The following NUCKS1 variants were observed in gnomAD, a reference collection of about 807,000 sequenced individuals.
NUCKS1 encodes the protein nuclear casein kinase and cyclin dependent kinase substrate 1, also known as nuclear ubiquitous casein and cyclin-dependent kinase substrate 1.
NUCKS1 carries 2 observed loss-of-function variants against 33.0 expected under a neutral mutation model. That is an observed-to-expected ratio of 0.06 (90% confidence interval 0.02 to 0.19). The LOEUF is 0.19. Ranked by LOEUF, NUCKS1 falls within the 10% of genes least tolerant of loss-of-function variation. The pLI, the probability that NUCKS1 is intolerant of heterozygous loss-of-function variation, is 1.00. For missense variants in NUCKS1, 201 were observed against 293.6 expected (o/e 0.68, Z 2.31); for synonymous variants, 106 against 102.8 (o/e 1.03, Z -0.19).
At position 205,717,437 on chromosome 1, in the gene NUCKS1, A is replaced by T; in HGVS notation, c.*843T>A. Reference sequence around the variant, plus strand: ...TTCTTGGTAAAATTTTATCCAAAAAACAGGATACATATATATTTAGAGAAG... The same window carrying T: ...TTCTTGGTAAAATTTTATCCAAAAATCAGGATACATATATATTTAGAGAAG... On this transcript the variant is annotated 3_prime_UTR_variant, in exon 7 of 7. Transcript: ENST00000367142. The T allele has an allele frequency of 2.0e-6, 2 of 985,344 alleles. No homozygotes were observed. The highest frequency in any genetic ancestry group is 2.4e-6 in the Non-Finnish European group (2 of 828,662). The allele number at this position is 985,344 out of a possible 1,614,324, so 61.0% of individuals were successfully genotyped here.
chr1:205,735,827 T>C (rs1654020145), intron 1 of NUCKS1, among the ~76,000 whole-genome samples: 1 of 152,238 alleles, frequency 6.6e-6, no homozygotes, highest in African/African-American at 2.4e-5. Flanking sequence ...TATTTGGATA[T>C]GATGATTAAG....
intron 4 of NUCKS1, 79 bp from the exon 5 acceptor site, chr1:205,720,732 A>G: frequency 6.6e-6 from 9 of 1,368,944 alleles, no homozygotes; most frequent in Non-Finnish European, 8.9e-6. Context: ...TTAATAATTG[A>G]CTGAAAACAT....
intron 6 of NUCKS1, 96 bp downstream of exon 6, chr1:205,719,431 C>G (rs1218831276): frequency 3.2e-6 from 4 of 1,267,616 alleles, no homozygotes; most frequent in Non-Finnish European, 4.4e-6. Context: ...AAACATCAGG[C>G]CAATGCCAAA....
chr1:205,744,636 T>TTTTTC (rs1654269013), intron 1 of NUCKS1, among the ~76,000 whole-genome samples: 1 of 136,786 alleles, frequency 7.3e-6, no homozygotes, highest in Non-Finnish European at 1.6e-5. Context: ...TAGAGTTTTT[T>TTTTTC]TTTTTTTTTT....
intron 1 of NUCKS1, among the ~76,000 whole-genome samples, chr1:205,746,439 TCTCTCTCTCTCTCTCA>T (rs1346301099): frequency 2.6e-5 from 1 of 38,718 alleles, no homozygotes; most frequent in Non-Finnish European, 7.0e-5. Context: ...AACTCACTTC[TCTCTCTCTCTCTCTCA>T]CACACACACA....
At chr1:205,732,610 GT>G (rs1558053047) in intron 1 of NUCKS1, among the ~76,000 whole-genome samples, 1 of 151,828 alleles carries the variant, frequency 6.6e-6, no homozygotes, top group East Asian at 1.9e-4. Context: ...GTGAAAACCC[GT>G]CTCTAGTAAA....
At chr1:205,730,493 CT>C (rs869264716) in intron 1 of NUCKS1, among the ~76,000 whole-genome samples, 267 of 145,154 alleles carry the variant, frequency 1.8e-3, no homozygotes, top group Middle Eastern at 3.6e-3. Context: ...TTTTCTCTCT[CT>C]TTTTTTTTTT....
intron 1 of NUCKS1, 97 bp from the exon 2 acceptor site, chr1:205,729,718 A>G (rs779115414): frequency 1.8e-5 from 17 of 931,816 alleles, no homozygotes; most frequent in Non-Finnish European, 3.0e-5. Flanking sequence ...GAACTGAACT[A>G]GCACTTTGAA....
At chr1:205,734,636 G>C (rs937917096) in intron 1 of NUCKS1, among the ~76,000 whole-genome samples, 5 of 152,216 alleles carry the variant, frequency 3.3e-5, no homozygotes, top group Non-Finnish European at 7.3e-5. Context: ...GCTCACGCCT[G>C]TAATCCCAGC....
In NUCKS1 at chr1:205,715,967, C is replaced by T. The variant is rs1243893380; in HGVS notation, c.*2313G>A. 6.6e-6 allele frequency: 1 copy of T among 152,116 alleles called. No homozygotes were observed. Among genetic ancestry groups the T allele is most frequent in the African/African-American group, 2.4e-5 (1 of 41,406 alleles). 9.4% of individuals were successfully genotyped at this position (152,116 alleles called of 1,614,324 possible). A position where few individuals can be genotyped will look rare whatever the true frequency, so the allele number is the denominator to read the frequency against. On this transcript the variant is annotated 3_prime_UTR_variant, in exon 7 of 7. Transcript: ENST00000367142. Reference sequence around the variant, plus strand: ...GGAAGACTAGAGTGTTTTAAATCATCAATAAAAAGTGGAGAAAACAAAGGT... The same window carrying T: ...GGAAGACTAGAGTGTTTTAAATCATTAATAAAAAGTGGAGAAAACAAAGGT...
intron 3 of NUCKS1, among the ~76,000 whole-genome samples, chr1:205,724,797 TC>T (rs975536093): frequency 4.6e-5 from 7 of 152,268 alleles, no homozygotes; most frequent in African/African-American, 1.7e-4. Flanking sequence ...GATTGAATTA[TC>T]CCCTATTAAT....
chr1:205,745,571 T>C (rs1195285636), intron 1 of NUCKS1, among the ~76,000 whole-genome samples: 4 of 152,208 alleles, frequency 2.6e-5, no homozygotes, highest in African/African-American at 9.6e-5. Context: ...CTGTTTTTCC[T>C]AAAATGTTTT....
chr1:205,720,241 A>G (rs1671896907), intron 5 of NUCKS1, among the ~76,000 whole-genome samples: 1 of 152,218 alleles, frequency 6.6e-6, no homozygotes, highest in African/African-American at 2.4e-5. Flanking sequence ...TTACTTAAGC[A>G]AATTGTTCAT....
intron 4 of NUCKS1, 150 bp from the exon 5 acceptor site, chr1:205,720,803 T>C (rs945610277): frequency 2.5e-5 from 19 of 772,694 alleles, no homozygotes; most frequent in Non-Finnish European, 3.8e-5. Context: ...CTTTATTTCA[T>C]TGTAAAAGGG....
intron 2 of NUCKS1, among the ~76,000 whole-genome samples, chr1:205,728,961 C>A (rs1408011818): frequency 6.6e-6 from 1 of 151,920 alleles, no homozygotes; most frequent in South Asian, 2.1e-4. Flanking sequence ...AGCCACTGCG[C>A]CTGGCTGTAG....
At chr1:205,723,431 C>CAA (rs927113468) in intron 4 of NUCKS1, among the ~76,000 whole-genome samples, 1 of 151,678 alleles carries the variant, frequency 6.6e-6, no homozygotes, top group East Asian at 1.9e-4. Flanking sequence ...AAAATTTTTA[C>CAA]AAAAAAAACT....
chr1:205,736,246 C>T (rs1244301377), intron 1 of NUCKS1, among the ~76,000 whole-genome samples: 1 of 152,174 alleles, frequency 6.6e-6, no homozygotes, highest in Admixed American at 6.5e-5. Flanking sequence ...GCCACCACAT[C>T]CAGCCCTCCC....
In NUCKS1 at chr1:205,740,018, T is replaced by TTG. The variant is rs1553252840; in HGVS notation, c.17+9938_17+9939insCA. Among the ~76,000 whole-genome samples, 1,341 of 146,194 alleles carry TTG rather than the reference T, an allele frequency of 9.2e-3. 16 individuals carry two copies. Among genetic ancestry groups the TTG allele is most frequent in the South Asian group, 0.019 (83 of 4,418 alleles). ...TTAGGTTTTTTTTTTTTTTTTTTTTTGAGAGACAGTGTCTCCCTCTGTTGT... is the reference window on the plus strand; with the variant it reads ...TTAGGTTTTTTTTTTTTTTTTTTTTTTGGAGAGACAGTGTCTCCCTCTGTTGT... On this transcript the variant is annotated intron_variant, in intron 1 of 6. Coordinates refer to ENST00000367142, the MANE Select transcript of NUCKS1 (RefSeq NM_022731.5).
chr1:205,732,116 A>C (rs753723313), intron 1 of NUCKS1, among the ~76,000 whole-genome samples: 23 of 152,216 alleles, frequency 1.5e-4, no homozygotes, highest in Admixed American at 8.5e-4. Flanking sequence ...AGAGGAATAT[A>C]TAGTTACATA....
Sources: allele counts gnomAD v4.1 joint callset (sites outside exome capture counted in the v4.1 genomes callset), GRCh38; gene constraint gnomAD v4.1.1; transcripts MANE v1.5; gene names NCBI Gene and HGNC (gene_info 2026-07-23, HGNC 2026-07-21).